GRIA2: variants seen among roughly 807,000 people sequenced by gnomAD.
The protein encoded by GRIA2 is glutamate ionotropic receptor AMPA type subunit 2, also known as glutamate receptor 2.
GRIA2 carries 14 observed loss-of-function variants against 97.3 expected under a neutral mutation model. The ratio of observed to expected loss-of-function variants is 0.14; its 90% CI spans 0.10 to 0.23. The LOEUF (loss-of-function observed/expected upper bound fraction) is 0.23. Ranked by LOEUF, GRIA2 falls within the 10% of genes least tolerant of loss-of-function variation. The pLI is 1.00. For missense variants in GRIA2, 558 were observed against 1,069.8 expected, an observed-to-expected ratio of 0.52 and a Z score of 6.67; for synonymous variants, 412 against 387.8, an observed-to-expected ratio of 1.06 and a Z score of -0.73.
intron 12 of GRIA2, among the ~76,000 whole-genome samples, chr4:157,344,327 TTCATCCTCTCTC>T (rs1735676536): frequency 6.6e-6 from 1 of 152,076 alleles, no homozygotes; most frequent in South Asian, 2.1e-4. Context: ...AGGTCTTGGG[TTCATCCTCTCTC>T]AACTTTCCTT....
chr4:157,326,906 T>C (rs1036580113), intron 6 of GRIA2, among the ~76,000 whole-genome samples: 23 of 152,192 alleles, frequency 1.5e-4, no homozygotes, highest in African/African-American at 5.5e-4. Context: ...GCTGCCCTGA[T>C]GACAAGAGAT....
chr4:157,344,169 A>G (rs1478684465), intron 12 of GRIA2, among the ~76,000 whole-genome samples: 1 of 152,122 alleles, frequency 6.6e-6, no homozygotes, highest in Non-Finnish European at 1.5e-5. Flanking sequence ...AGACAAAAAT[A>G]TTTGATTTTC....
chr4:157,239,909 C>T (rs72962813), intron 2 of GRIA2, among the ~76,000 whole-genome samples: 5,070 of 151,900 alleles, frequency 0.033, 123 homozygotes, highest in Middle Eastern at 0.13. Flanking sequence ...TTCTTACTAT[C>T]GTATATCTAA....
chr4:157,345,225 A>G (rs928208395), intron 12 of GRIA2, among the ~76,000 whole-genome samples: 1 of 152,092 alleles, frequency 6.6e-6, no homozygotes, highest in African/African-American at 2.4e-5. Flanking sequence ...TGATCATTAA[A>G]CGAAACATTC....
chr4:157,228,071 A>G (rs1490291796), intron 2 of GRIA2, among the ~76,000 whole-genome samples: 1 of 152,198 alleles, frequency 6.6e-6, no homozygotes, highest in African/African-American at 2.4e-5. Context: ...AAACATTTTA[A>G]AATTAACGAG....
rs1560781299 is a variant in GRIA2, at chr4:157,355,961, ATGTATATTAATATATATATT to A, written c.2044-3933_2044-3914del. 8.4e-3 allele frequency among the ~76,000 whole-genome samples: 307 copies of A among 36,630 alleles called. 17 individuals carry two copies. The highest frequency in any genetic ancestry group is 0.022 in the African/African-American group (290 of 13,150). 24.0% of individuals were successfully genotyped at this position (36,630 alleles called of 152,430 possible). A position where few individuals can be genotyped will look rare whatever the true frequency, so the allele number is the denominator to read the frequency against. ...TATATTAATATATATTTATATATTT[ATGTATATTAATATATATATT>A]TATATATTTATATATATTTATATAT... On this transcript the variant is annotated intron_variant, in intron 12 of 15. Transcript: ENST00000264426.
chr4:157,293,748 C>T (rs1677215382), intron 2 of GRIA2, among the ~76,000 whole-genome samples: 1 of 152,066 alleles, frequency 6.6e-6, no homozygotes, highest in African/African-American at 2.4e-5. Context: ...TTGTTTCACA[C>T]CATCAGTTGT....
rs1232620023 is a variant in GRIA2 at position 157,355,939 on chromosome 4, A to G, written c.2044-3957A>G. ...TTAATATATTTATATATATTTATAT[A>G]TTAATATATATTTATATATTTATGT... is the stretch of plus-strand genomic sequence containing the variant. On this transcript the variant is annotated intron_variant, in intron 12 of 15. Transcript: ENST00000264426. 3.7e-4 allele frequency among the ~76,000 whole-genome samples: 13 copies of G among 35,474 alleles called. 1 individual carries two copies. The highest frequency in any genetic ancestry group is 1.4e-3 in the African/African-American group (11 of 7,736). 23.3% of individuals were successfully genotyped at this position (35,474 alleles called of 152,430 possible).
intron 2 of GRIA2, among the ~76,000 whole-genome samples, chr4:157,283,216 T>C (rs1732688343): frequency 6.6e-6 from 1 of 152,010 alleles, no homozygotes; most frequent in Non-Finnish European, 1.5e-5. Flanking sequence ...GTTGATTTAA[T>C]TTGGCTTCTG....
chr4:157,291,089 A>G (rs1733077900), intron 2 of GRIA2, among the ~76,000 whole-genome samples: 1 of 151,988 alleles, frequency 6.6e-6, no homozygotes, highest in Non-Finnish European at 1.5e-5. Flanking sequence ...ACGGTGAAGC[A>G]CATTATTAAT....
At chr4:157,270,552 C>A (rs988461162) in intron 2 of GRIA2, among the ~76,000 whole-genome samples, 1 of 152,076 alleles carries the variant, frequency 6.6e-6, no homozygotes, top group African/African-American at 2.4e-5. Context: ...GACTTTAAAT[C>A]TTTTCTGACC....
chr4:157,323,208 T>G (rs1213331682), intron 6 of GRIA2, among the ~76,000 whole-genome samples: 2 of 151,106 alleles, frequency 1.3e-5, no homozygotes, highest in Non-Finnish European at 3.0e-5. Context: ...GGTGGCAGGC[T>G]CCTGTAATCC....
At chr4:157,328,233 G>A (rs577811158) in intron 6 of GRIA2, among the ~76,000 whole-genome samples, 79 of 152,076 alleles carry the variant, frequency 5.2e-4, no homozygotes, top group African/African-American at 1.7e-3. Flanking sequence ...TTCTTTATCT[G>A]TAAAGGGAAC....
intron 2 of GRIA2, among the ~76,000 whole-genome samples, chr4:157,258,068 G>A (rs979460555): frequency 3.9e-5 from 6 of 151,942 alleles, no homozygotes; most frequent in Non-Finnish European, 7.4e-5. Context: ...ATCTTCCTAA[G>A]CTGAGGATGT....
At chr4:157,247,221 C>A (rs1233919113) in intron 2 of GRIA2, among the ~76,000 whole-genome samples, 1 of 152,158 alleles carries the variant, frequency 6.6e-6, no homozygotes, top group Non-Finnish European at 1.5e-5. Flanking sequence ...AACTCAGATT[C>A]ATCATCTCCC....
At chr4:157,223,193 G>A (rs1729586555) in intron 2 of GRIA2, among the ~76,000 whole-genome samples, 1 of 152,064 alleles carries the variant, frequency 6.6e-6, no homozygotes, top group Admixed American at 6.5e-5. Context: ...ATCATATTGG[G>A]CCCATCATCA....
chr4:157,244,048 G>T (rs1022242306), intron 2 of GRIA2, among the ~76,000 whole-genome samples: 2 of 152,056 alleles, frequency 1.3e-5, no homozygotes, highest in Non-Finnish European at 2.9e-5. Flanking sequence ...AGTGAGGAAG[G>T]TCTGTTATTT....
At chr4:157,278,912 T>A (rs1211754490) in intron 2 of GRIA2, among the ~76,000 whole-genome samples, 1 of 152,030 alleles carries the variant, frequency 6.6e-6, no homozygotes, top group Non-Finnish European at 1.5e-5. Context: ...AAGATACCAC[T>A]ACATGCTTAT....
chr4:157,269,857 T>C (rs1731938485), intron 2 of GRIA2, among the ~76,000 whole-genome samples: 1 of 152,114 alleles, frequency 6.6e-6, no homozygotes, highest in South Asian at 2.1e-4. Context: ...AGGTATCTTT[T>C]TTACTAAGAC....
Sources: gnomAD v4.1 joint callset for allele counts (sites outside exome capture counted in the v4.1 genomes callset) on GRCh38, gnomAD v4.1.1 for gene constraint, MANE v1.5 for transcripts, NCBI Gene and HGNC (gene_info 2026-07-23, HGNC 2026-07-21) for gene names.